The following ZNF442 variants were observed in gnomAD, a reference collection of about 807,000 sequenced individuals.
ZNF442 encodes zinc finger protein 442.
In ZNF442, 45 loss-of-function variants were observed where a neutral mutation model predicts 57.0. The observed-to-expected ratio is 0.79, with a 90% CI of 0.62 to 1.01. The LOEUF is 1.01. Ranked by LOEUF, ZNF442 falls within the 50% of genes least tolerant of loss-of-function variation. The pLI, the probability that ZNF442 is intolerant of heterozygous loss-of-function variation, is 0.00. For missense variants in ZNF442, 690 were observed against 756.5 expected, an observed-to-expected ratio of 0.91 and a Z score of 1.03; for synonymous variants, 213 against 241.8, an observed-to-expected ratio of 0.88 and a Z score of 1.10.
the ZNF442 span, among the ~76,000 whole-genome samples, chr19:12,372,351 T>G: frequency 2.6e-5 from 4 of 151,744 alleles, no homozygotes; most frequent in Non-Finnish European, 5.9e-5. Context: ...CCCAGCTACT[T>G]GGGAGGCTGA....
intron 2 of ZNF442, among the ~76,000 whole-genome samples, chr19:12,364,273 G>C (rs1325975401): frequency 2.6e-5 from 4 of 151,920 alleles, no homozygotes; most frequent in Non-Finnish European, 5.9e-5. Flanking sequence ...CGGGTGTGGT[G>C]GTGGGTGCCT....
chr19:12,349,533 A>T lies in ZNF442; in HGVS notation c.*168T>A. 1 of 591,404 alleles carries T rather than the reference A, an allele frequency of 1.7e-6. No individual in the cohort carries two copies. Among genetic ancestry groups the T allele is most frequent in the South Asian group, 2.9e-5 (1 of 34,404 alleles). 36.6% of individuals were successfully genotyped at this position (591,404 alleles called of 1,614,324 possible). A position where few individuals can be genotyped will look rare whatever the true frequency, so the allele number is the denominator to read the frequency against. ...GAACACAGCATCTGTGGATTTAGGT[A>T]TGCTTAGGGGGTCTGGAACCAATCC... On this transcript the variant is annotated 3_prime_UTR_variant, in exon 6 of 6. Transcript: ENST00000242804.
the ZNF442 span, among the ~76,000 whole-genome samples, chr19:12,372,633 T>C: frequency 6.6e-6 from 1 of 152,236 alleles, no homozygotes; most frequent in Non-Finnish European, 1.5e-5. Context: ...TGTGTTTTTT[T>C]CTGAAAGTAA....
chr19:12,350,819 C>A lies in ZNF442; in HGVS notation c.766G>T (p.Glu256Ter), dbSNP rs145664749. 2.7e-5 allele frequency: 43 copies of A among 1,613,610 alleles called. No homozygotes were observed. In the African/African-American group the frequency reaches 5.4e-4, roughly 20 times the overall value. ...FPIYSSYLRHERTHTGEKPYE... is the reference protein window; with the variant it reads ...FPIYSSYLRH ...GGTTTCTCCCCAGTGTGTGTTCTTTCATGTCTTAGATAGGAACTGTAAATA... is the reference window on the plus strand; with the variant it reads ...GGTTTCTCCCCAGTGTGTGTTCTTTAATGTCTTAGATAGGAACTGTAAATA... Residue 256 changes from glutamate (E) to a stop codon, truncating the protein, a stop_gained, in exon 6 of 6, where the codon GAA becomes TAA. Coordinates refer to ENST00000242804, the MANE Select transcript of ZNF442 (RefSeq NM_030824.3). LOFTEE classifies it high-confidence loss of function.
Position 12,365,550 on chromosome 19 carries a change from G to A in ZNF442, c.-500C>T. Reference sequence around the variant, plus strand: ...ACACTCACCATTTCCCGGCTTCCGCGGTGTCCCGTGTTCTCCCCAAGGTTC... The same window carrying A: ...ACACTCACCATTTCCCGGCTTCCGCAGTGTCCCGTGTTCTCCCCAAGGTTC... On this transcript the variant is annotated 5_prime_UTR_variant, in exon 1 of 6. Coordinates refer to ENST00000242804, the MANE Select transcript of ZNF442 (RefSeq NM_030824.3). 1 of 537,586 alleles carries A rather than the reference G, an allele frequency of 1.9e-6. No homozygotes were observed. Among genetic ancestry groups the A allele is most frequent in the Non-Finnish European group, 3.3e-6 (1 of 299,152 alleles). The allele number at this position is 537,586 out of a possible 1,614,324, so 33.3% of individuals were successfully genotyped here.
At chr19:12,363,409 AC>A in intron 3 of ZNF442, 144 bp downstream of exon 3, 1 of 702,596 alleles carries the variant, frequency 1.4e-6, no homozygotes, top group Non-Finnish European at 2.5e-6. Context: ...GACATTAGTC[AC>A]CCCCATCTGC....
chr19:12,371,973 G>T, the ZNF442 span, among the ~76,000 whole-genome samples: 1 of 152,124 alleles, frequency 6.6e-6, no homozygotes, highest in African/African-American at 2.4e-5. Context: ...AAGAGCTTCT[G>T]TACAGCAAAA....
At chr19:12,362,547 G>C (rs1169344549) in intron 3 of ZNF442, among the ~76,000 whole-genome samples, 1 of 151,704 alleles carries the variant, frequency 6.6e-6, no homozygotes, top group Non-Finnish European at 1.5e-5. Context: ...CAGGAGGTGG[G>C]GGACAGCTCC....
At chr19:12,372,283 C>T in the ZNF442 span, among the ~76,000 whole-genome samples, 1 of 152,014 alleles carries the variant, frequency 6.6e-6, no homozygotes, top group African/African-American at 2.4e-5. Context: ...ATGGTGAAAC[C>T]CCATCTCTAC....
At chr19:12,362,999 C>CA (rs1023788604) in intron 3 of ZNF442, among the ~76,000 whole-genome samples, 102 of 141,126 alleles carry the variant, frequency 7.2e-4, no homozygotes, top group East Asian at 1.4e-3. Context: ...AAAAACAAAA[C>CA]AAAAAAAAAA....
rs963742238 is a variant in ZNF442, at chr19:12,363,720, T to A, written c.-40-49A>T. On this transcript the variant is annotated intron_variant, in intron 2 of 5. Coordinates refer to ENST00000242804, the MANE Select transcript of ZNF442 (RefSeq NM_030824.3). ...GATTGTCCCAAGGGTTAGCTTTTTA[T>A]AGAAATGGTATACCAGAATATTCCT... 10 of 1,217,900 alleles carry A rather than the reference T, an allele frequency of 8.2e-6. No homozygotes were observed. The African/African-American group carries it at 1.5e-4, about 18-fold the overall frequency. The allele number at this position is 1,217,900 out of a possible 1,614,324, so 75.4% of individuals were successfully genotyped here. A position where few individuals can be genotyped will look rare whatever the true frequency, so the allele number is the denominator to read the frequency against.
chr19:12,359,102 A>G lies in ZNF442; in HGVS notation c.78+4452T>C, dbSNP rs78626873. Among the ~76,000 whole-genome samples, 194 of 152,294 alleles carry G rather than the reference A, an allele frequency of 1.3e-3. 1 individual carries two copies. The highest frequency in any genetic ancestry group is 1.6e-3 in the Non-Finnish European group (111 of 68,014). ...TTGGCTGACATTACCCACCCAGCAA[A>G]TCCAAATACATTTTTTATTATATCA... On this transcript the variant is annotated intron_variant, in intron 3 of 5. Coordinates refer to ENST00000242804, the MANE Select transcript of ZNF442 (RefSeq NM_030824.3).
chr19:12,350,796 T>C lies in ZNF442; in HGVS notation c.789A>G (p.Lys263=). The change falls in exon 6 of 6, where the codon AAA becomes AAG. Residue 263 remains lysine, a synonymous_variant. Transcript: ENST00000242804. ...LRHERTHTGE[K]PYECKHCSKA... ...TGGAACAGTGCTTGCATTCATATGG[T>C]TTCTCCCCAGTGTGTGTTCTTTCAT... The C allele has an allele frequency of 1.2e-6, 2 of 1,614,078 alleles. No homozygotes were observed. The highest frequency in any genetic ancestry group is 1.7e-6 in the Non-Finnish European group (2 of 1,179,998).
chr19:12,356,090 C>T (rs1006501387), intron 3 of ZNF442, among the ~76,000 whole-genome samples: 1 of 151,622 alleles, frequency 6.6e-6, no homozygotes, highest in African/African-American at 2.4e-5. Flanking sequence ...CATAGTGGCT[C>T]ACACCTTTAA....
intron 5 of ZNF442, 115 bp from the exon 6 acceptor site, chr19:12,351,433 C>T: frequency 1.1e-6 from 1 of 928,996 alleles, no homozygotes; most frequent in Non-Finnish European, 1.6e-6. Flanking sequence ...GCTTCATGCA[C>T]TGCTTGAACG....
chr19:12,371,296 A>G, the ZNF442 span, among the ~76,000 whole-genome samples: 1 of 152,220 alleles, frequency 6.6e-6, no homozygotes, highest in Non-Finnish European at 1.5e-5. Flanking sequence ...TAAAAATTAC[A>G]CACACATGCA....
rs767495079 is a variant in ZNF442 at position 12,349,853 on chromosome 19, C to A, written c.1732G>T (p.Gly578Cys). Residue 578 changes from glycine to cysteine, a missense_variant, in exon 6 of 6, where the codon GGT (glycine) becomes TGT (cysteine). Transcript: ENST00000242804. ...AAACGAGAACGAGTGAAGGCTTTACCACATTGTTGACATTCATAAGATTTC... is the reference window on the plus strand; with the variant it reads ...AAACGAGAACGAGTGAAGGCTTTACAACATTGTTGACATTCATAAGATTTC... ...GKKSYECQQC[G>C]KAFTRSRFLR... The A allele has an allele frequency of 6.2e-7, 1 of 1,613,300 alleles. No individual in the cohort carries two copies. The highest frequency in any genetic ancestry group is 1.1e-5 in the South Asian group (1 of 91,038).
rs1347656136 is a variant in ZNF442 at position 12,350,837 on chromosome 19, T to C, written c.748A>G (p.Ser250Gly). 2.5e-6 allele frequency: 4 copies of C among 1,613,662 alleles called. No individual in the cohort carries two copies. The Admixed American group carries it at 6.7e-5, about 27-fold the overall frequency. Residue 250 changes from serine (S) to glycine (G), a missense_variant, in exon 6 of 6, where the codon AGT becomes GGT. Transcript: ENST00000242804. Reference sequence around the variant, plus strand: ...GTTCTTTCATGTCTTAGATAGGAACTGTAAATAGGGAAGGCTTTACAACAC... The same window carrying C: ...GTTCTTTCATGTCTTAGATAGGAACCGTAAATAGGGAAGGCTTTACAACAC... ...KQCCKAFPIY[S>G]SYLRHERTHT...
chr19:12,364,266 G>T (rs1969493169), intron 2 of ZNF442, among the ~76,000 whole-genome samples: 1 of 151,986 alleles, frequency 6.6e-6, no homozygotes, highest in South Asian at 2.1e-4. Flanking sequence ...AATTAGCCGG[G>T]TGTGGTGGTG....
Sources: allele counts gnomAD v4.1 joint callset (sites outside exome capture counted in the v4.1 genomes callset), GRCh38; gene constraint gnomAD v4.1.1; transcripts MANE v1.5; gene names NCBI Gene and HGNC (gene_info 2026-07-23, HGNC 2026-07-21).